Variants in TES observed in about 807,000 individuals in gnomAD.
TES encodes the protein testin LIM domain protein, also known as testin.
Under a neutral mutation model 48.2 loss-of-function variants are expected in TES, and 41 were observed. The ratio of observed to expected loss-of-function variants is 0.85; its 90% confidence interval spans 0.66 to 1.10. The LOEUF is 1.10. TES is among the 50% of genes least tolerant of loss of function. The probability of loss-of-function intolerance (pLI) is 0.00; values close to 1 mark genes in which losing one functional copy is unlikely to be tolerated. For synonymous variants in TES, 162 were observed against 174.9 expected (o/e 0.93, Z 0.58); for missense variants, 463 against 515.1 (o/e 0.90, Z 0.98).
At chr7:116,220,920 G>A (rs1799548244) in intron 1 of TES, among the ~76,000 whole-genome samples, 1 of 152,112 alleles carries the variant, frequency 6.6e-6, no homozygotes, top group African/African-American at 2.4e-5. Context: ...ATAAACAAAT[G>A]TGTGGTAATC....
chr7:116,237,768 T>C (rs150001666), intron 2 of TES, among the ~76,000 whole-genome samples: 1 of 152,302 alleles, frequency 6.6e-6, no homozygotes, highest in African/African-American at 2.4e-5. Flanking sequence ...TGAGTTCTGG[T>C]GAGGTCTCTC....
At chr7:116,232,310 G>A (rs1799710207) in intron 1 of TES, among the ~76,000 whole-genome samples, 1 of 152,200 alleles carries the variant, frequency 6.6e-6, no homozygotes, top group Non-Finnish European at 1.5e-5. Context: ...GTATGTGTAT[G>A]TGCAAGTTCT....
chr7:116,211,025 A>G (rs1337093665), intron 1 of TES: 2 of 289,156 alleles, frequency 6.9e-6, no homozygotes, highest in Non-Finnish European at 1.3e-5. Flanking sequence ...GGTGTTGGAA[A>G]CTTTACTTAA....
chr7:116,217,863 C>T lies in TES; in HGVS notation c.27+7129C>T, dbSNP rs1799512044. ...AGCATGGTTTTGTCAATTTTCAGTT[C>T]TAAGTGCCCTGTCTACCTAACATTC... On this transcript the variant is annotated intron_variant, in intron 1 of 6. Coordinates refer to ENST00000358204, the MANE Select transcript of TES (RefSeq NM_015641.4). The T allele has an allele frequency of 9.7e-6, 5 of 516,092 alleles. No individual in the cohort carries two copies. In the Admixed American group the frequency reaches 9.8e-5, roughly 10 times the overall value. 32.0% of individuals were successfully genotyped at this position (516,092 alleles called of 1,614,324 possible).
intron 6 of TES, 116 bp from the exon 7 acceptor site, chr7:116,257,178 T>C (rs1800112092): frequency 8.7e-7 from 1 of 1,148,228 alleles, no homozygotes; most frequent in South Asian, 1.7e-5. Context: ...ATTGTGTATT[T>C]CTGAGGTTGT....
At chr7:116,252,014 T>G (rs1800021560) in intron 5 of TES, 39 bp downstream of exon 5, 2 of 1,590,850 alleles carry the variant, frequency 1.3e-6, no homozygotes, top group East Asian at 4.5e-5. Context: ...GGTGCCCTCT[T>G]AGACCCTCAT....
intron 6 of TES, 33 bp downstream of exon 6, chr7:116,252,509 G>C (rs772494465): frequency 2.5e-6 from 4 of 1,614,120 alleles, no homozygotes; most frequent in Non-Finnish European, 2.5e-6. Context: ...GGTTGCCTCA[G>C]CCTGCTTTAG....
Position 116,217,349 on chromosome 7 carries a change from C to A in TES, c.27+6615C>A, listed in dbSNP as rs1799505660. 2.0e-5 allele frequency among the ~76,000 whole-genome samples: 3 copies of A among 152,238 alleles called. No individual in the cohort carries two copies. In the South Asian group the frequency reaches 6.2e-4, roughly 32 times the overall value. ...AAGATTATGAATGCATAAAGCTATA[C>A]AAATAGACTTACACCTATAATATAC... On this transcript the variant is annotated intron_variant, in intron 1 of 6. Transcript: ENST00000358204.
At chr7:116,221,455 G>A (rs1010363738) in intron 1 of TES, among the ~76,000 whole-genome samples, 1 of 152,154 alleles carries the variant, frequency 6.6e-6, no homozygotes, top group Admixed American at 6.5e-5. Flanking sequence ...AAAAAGTGGA[G>A]TCTGTTTTCC....
At chr7:116,233,002 C>T (rs530025537) in intron 1 of TES, among the ~76,000 whole-genome samples, 13 of 152,320 alleles carry the variant, frequency 8.5e-5, no homozygotes, top group African/African-American at 2.9e-4. Context: ...TTCACTTAAA[C>T]TTCAGGACAT....
chr7:116,250,253 G>T lies in TES; in HGVS notation c.459G>T (p.Gln153His). The T allele has an allele frequency of 6.2e-7, 1 of 1,610,906 alleles. No homozygotes were observed. Among genetic ancestry groups the T allele is most frequent in the Non-Finnish European group, 8.5e-7 (1 of 1,178,630 alleles). The change falls in exon 4 of 7, where the codon CAG (glutamine) becomes CAT (histidine). Residue 153 changes from glutamine to histidine, a missense_variant. By Grantham distance (24) the Gln-to-His change is conservative. Coordinates refer to ENST00000358204, the MANE Select transcript of TES (RefSeq NM_015641.4). The part of the protein sequence containing the change: ...AQYRKKQLAK[Q>H]LPAHDQDPSK... Reference sequence around the variant, plus strand: ...ACCGGAAGAAGCAGCTGGCAAAGCAGCTCCCTGCACATGACCAGGACCCTT... The same window carrying T: ...ACCGGAAGAAGCAGCTGGCAAAGCATCTCCCTGCACATGACCAGGACCCTT...
intron 1 of TES, among the ~76,000 whole-genome samples, chr7:116,224,409 A>C (rs1279567920): frequency 6.6e-6 from 1 of 152,222 alleles, no homozygotes; most frequent in African/African-American, 2.4e-5. Context: ...CATTGCCCTG[A>C]GTACTGCATA....
rs1290963349 is a variant in TES, at chr7:116,250,312, A to G, written c.518A>G (p.Lys173Arg). The G allele has an allele frequency of 6.2e-7, 1 of 1,613,780 alleles. No homozygotes were observed. The change falls in exon 4 of 7, where the codon AAG becomes AGG. Residue 173 changes from lysine to arginine, a missense_variant. Transcript: ENST00000358204. Reference sequence around the variant, plus strand: ...CATGAGTTGTCTCCCAGAGAGGTGAAGGAGATGGAGCAGTTTGTGAAGAAA... The same window carrying G: ...CATGAGTTGTCTCCCAGAGAGGTGAGGGAGATGGAGCAGTTTGTGAAGAAA... The part of the protein sequence containing the change: ...KCHELSPREV[K>R]EMEQFVKKYK...
chr7:116,215,826 G>C (rs1228232647), intron 1 of TES, among the ~76,000 whole-genome samples: 1 of 152,154 alleles, frequency 6.6e-6, no homozygotes, highest in East Asian at 1.9e-4. Flanking sequence ...TTGTAGCAAA[G>C]TGTTCAGAGT....
intron 1 of TES, among the ~76,000 whole-genome samples, chr7:116,231,309 TAAATA>T (rs1424504969): frequency 6.6e-6 from 1 of 152,156 alleles, no homozygotes; most frequent in African/African-American, 2.4e-5. Context: ...GTAATTCTAA[TAAATA>T]AAATGATAGC....
intron 1 of TES, among the ~76,000 whole-genome samples, chr7:116,217,320 G>A (rs966421852): frequency 6.6e-6 from 1 of 152,110 alleles, no homozygotes; most frequent in African/African-American, 2.4e-5. Flanking sequence ...ATTAGAATGT[G>A]AAAAAGATTA....
At chr7:116,243,996 C>A (rs993506155) in intron 2 of TES, 1 of 152,108 alleles carries the variant, frequency 6.6e-6, no homozygotes, top group African/African-American at 2.4e-5. Flanking sequence ...ACTCACTCAC[C>A]ATCACGAGAA....
intron 1 of TES, among the ~76,000 whole-genome samples, chr7:116,220,607 A>G (rs1799544578): frequency 6.6e-6 from 1 of 152,190 alleles, no homozygotes; most frequent in African/African-American, 2.4e-5. Context: ...GACATATAGC[A>G]AGTACCTGGT....
intron 1 of TES, among the ~76,000 whole-genome samples, chr7:116,224,625 C>T (rs1799599704): frequency 6.6e-6 from 1 of 152,016 alleles, no homozygotes; most frequent in Non-Finnish European, 1.5e-5. Context: ...TGACTCACAC[C>T]TCATTCTTCT....
Sources: allele counts gnomAD v4.1 joint callset (sites outside exome capture counted in the v4.1 genomes callset), GRCh38; gene constraint gnomAD v4.1.1; transcripts MANE v1.5; gene names NCBI Gene and HGNC (gene_info 2026-07-23, HGNC 2026-07-21).